Variants in LRRTM4 observed in about 807,000 individuals in gnomAD.
LRRTM4 encodes the protein leucine rich repeat transmembrane neuronal 4, also known as leucine-rich repeat transmembrane neuronal protein 4.
A neutral mutation model predicts 47.6 loss-of-function variants in LRRTM4; 25 were observed. The ratio of observed to expected loss-of-function variants is 0.53; its 90% CI spans 0.38 to 0.73. LRRTM4 has a LOEUF of 0.73. LRRTM4 is among the 30% of genes least tolerant of loss of function. The pLI is 0.00. For synonymous variants in LRRTM4, 311 were observed against 269.5 expected (o/e 1.15, Z -1.51); for missense variants, 638 against 713.4 (o/e 0.89, Z 1.20).
intron 3 of LRRTM4, among the ~76,000 whole-genome samples, chr2:76,799,022 A>G (rs1223418851): frequency 6.6e-6 from 1 of 150,442 alleles, no homozygotes; most frequent in Non-Finnish European, 1.5e-5. Flanking sequence ...TACCAGAGGT[A>G]TAAGGAGGAG....
At chr2:77,109,727 C>A (rs1377174904) in intron 3 of LRRTM4, among the ~76,000 whole-genome samples, 1 of 151,468 alleles carries the variant, frequency 6.6e-6, no homozygotes, top group East Asian at 1.9e-4. Flanking sequence ...AAATAGATAA[C>A]CAGATTAAAA....
intron 3 of LRRTM4, among the ~76,000 whole-genome samples, chr2:77,264,631 G>A (rs1676003812): frequency 6.6e-6 from 1 of 152,082 alleles, no homozygotes; most frequent in African/African-American, 2.4e-5. Context: ...AAATCACTGG[G>A]AAAAGCATTT....
intron 3 of LRRTM4, among the ~76,000 whole-genome samples, chr2:77,139,392 G>C (rs768259286): frequency 6.6e-6 from 1 of 152,144 alleles, no homozygotes; most frequent in Non-Finnish European, 1.5e-5. Flanking sequence ...TATCTCAATA[G>C]ATGCGGAAAA....
intron 3 of LRRTM4, among the ~76,000 whole-genome samples, chr2:77,352,975 T>C (rs575789804): frequency 2.0e-5 from 3 of 152,298 alleles, no homozygotes; most frequent in South Asian, 2.1e-4. Context: ...GCTAATTTTA[T>C]TCTAAGAATA....
chr2:77,299,235 C>G lies in LRRTM4; in HGVS notation c.1551+219083G>C, dbSNP rs369420965. Among the ~76,000 whole-genome samples, 13 of 142,942 alleles carry G rather than the reference C, an allele frequency of 9.1e-5. No homozygotes were observed. In the South Asian group the frequency reaches 3.0e-3, roughly 33 times the overall value. 93.8% of individuals were successfully genotyped at this position (142,942 alleles called of 152,430 possible). On this transcript the variant is annotated intron_variant, in intron 3 of 3. Coordinates refer to ENST00000409884, the MANE Select transcript of LRRTM4 (RefSeq NM_001134745.3). Reference sequence around the variant, plus strand: ...CTAGGTAGTTCTTCCTACAATCTCTCTCTCTCTTTATCTATATATATATAC... The same window carrying G: ...CTAGGTAGTTCTTCCTACAATCTCTGTCTCTCTTTATCTATATATATATAC...
intron 3 of LRRTM4, among the ~76,000 whole-genome samples, chr2:76,773,271 C>T (rs1448478158): frequency 6.6e-6 from 1 of 152,226 alleles, no homozygotes; most frequent in Non-Finnish European, 1.5e-5. Flanking sequence ...CATTCTCCAC[C>T]ATAATGGCCT....
At chr2:76,968,090 C>T (rs1461022076) in intron 3 of LRRTM4, among the ~76,000 whole-genome samples, 3 of 150,764 alleles carry the variant, frequency 2.0e-5, no homozygotes, top group African/African-American at 4.9e-5. Context: ...TCAATTATAT[C>T]GCACAGATCT....
chr2:76,879,565 AT>A lies in LRRTM4; in HGVS notation c.1552-130650del, dbSNP rs34892879. ...CTCATTGGCAATGAACTAGTCACCC[AT>A]GAGCTCTTATGGAGATATGCAAGAA... is the stretch of plus-strand genomic sequence containing the variant. On this transcript the variant is annotated intron_variant, in intron 3 of 3. Transcript: ENST00000409884. 6.7e-3 allele frequency among the ~76,000 whole-genome samples: 1,019 copies of A among 152,342 alleles called. 4 individuals carry two copies. The highest frequency in any genetic ancestry group is 9.6e-3 in the Non-Finnish European group (652 of 68,028).
At chr2:77,081,787 C>T (rs1253861005) in intron 3 of LRRTM4, among the ~76,000 whole-genome samples, 1 of 152,116 alleles carries the variant, frequency 6.6e-6, no homozygotes, top group African/African-American at 2.4e-5. Flanking sequence ...AACTTTCTTG[C>T]CATGGGGTAT....
chr2:77,134,174 T>A (rs1016220815), intron 3 of LRRTM4, among the ~76,000 whole-genome samples: 1 of 152,128 alleles, frequency 6.6e-6, no homozygotes, highest in African/African-American at 2.4e-5. Flanking sequence ...AAGAGCTGAC[T>A]TTAATAAAGA....
At chr2:76,991,378 A>T (rs1225505962) in intron 3 of LRRTM4, among the ~76,000 whole-genome samples, 1 of 151,754 alleles carries the variant, frequency 6.6e-6, no homozygotes, top group Admixed American at 6.6e-5. Context: ...AAGGACAAAC[A>T]AGATCAATAG....
intron 3 of LRRTM4, among the ~76,000 whole-genome samples, chr2:76,768,355 A>G (rs1673538970): frequency 6.6e-6 from 1 of 151,600 alleles, no homozygotes; most frequent in Non-Finnish European, 1.5e-5. Flanking sequence ...CAACACTGTG[A>G]TAAATTGATG....
At chr2:77,284,930 A>G (rs1350932520) in intron 3 of LRRTM4, among the ~76,000 whole-genome samples, 1 of 152,110 alleles carries the variant, frequency 6.6e-6, no homozygotes, top group African/African-American at 2.4e-5. Flanking sequence ...ACAATTATAC[A>G]GGTATTAAAG....
intron 3 of LRRTM4, among the ~76,000 whole-genome samples, chr2:77,092,828 T>G (rs966320549): frequency 1.4e-5 from 2 of 142,274 alleles, no homozygotes; most frequent in Admixed American, 6.9e-5. Context: ...TTTCAGGCTC[T>G]TAGTATTCAG....
At chr2:77,183,872 A>T (rs753870809) in intron 3 of LRRTM4, among the ~76,000 whole-genome samples, 6 of 152,150 alleles carry the variant, frequency 3.9e-5, no homozygotes, top group Non-Finnish European at 8.8e-5. Flanking sequence ...CATAGGTGGG[A>T]ATTGAACAAT....
At chr2:77,024,356 C>T (rs1275664693) in intron 3 of LRRTM4, among the ~76,000 whole-genome samples, 1 of 152,110 alleles carries the variant, frequency 6.6e-6, no homozygotes, top group African/African-American at 2.4e-5. Flanking sequence ...CTGTGTCTGG[C>T]TTATTTCCTT....
chr2:76,780,099 T>C (rs1674281076), intron 3 of LRRTM4, among the ~76,000 whole-genome samples: 1 of 152,254 alleles, frequency 6.6e-6, no homozygotes, highest in South Asian at 2.1e-4. Flanking sequence ...CCCCACTCTC[T>C]TCTGGCTTGC....
intron 3 of LRRTM4, among the ~76,000 whole-genome samples, chr2:77,516,057 T>C (rs1020081919): frequency 1.3e-5 from 2 of 151,824 alleles, no homozygotes; most frequent in Admixed American, 6.6e-5. Context: ...TAAATGGACA[T>C]ATGATCTTAA....
intron 3 of LRRTM4, among the ~76,000 whole-genome samples, chr2:77,496,664 G>A (rs1436773170): frequency 6.6e-6 from 1 of 151,654 alleles, no homozygotes; most frequent in Middle Eastern, 3.2e-3. Context: ...CAGTTGATTT[G>A]GTAATGATTT....
Sources: gnomAD v4.1 joint callset for allele counts (sites outside exome capture counted in the v4.1 genomes callset) on GRCh38, gnomAD v4.1.1 for gene constraint, MANE v1.5 for transcripts, NCBI Gene and HGNC (gene_info 2026-07-23, HGNC 2026-07-21) for gene names.